The following RAPGEF5 variants were observed in gnomAD, a reference collection of about 807,000 sequenced individuals.
RAPGEF5 encodes the protein M-Ras-regulated GEF.
Under a neutral mutation model 125.2 loss-of-function variants are expected in RAPGEF5, and 65 were observed. The ratio of observed to expected loss-of-function variants is 0.52; its 90% confidence interval spans 0.43 to 0.64. RAPGEF5 has a LOEUF of 0.64. Among genes scored for constraint, RAPGEF5 ranks in the 30% least tolerant of loss-of-function variants. RAPGEF5 has a pLI of 0.00. For synonymous variants in RAPGEF5, 391 were observed against 385.9 expected (o/e 1.01, Z -0.16); for missense variants, 958 against 1,048.1 (o/e 0.91, Z 1.19).
chr7:22,193,853 G>T, intron 10 of RAPGEF5, 62 bp downstream of exon 10: 1 of 1,611,858 alleles, frequency 6.2e-7, no homozygotes, highest in South Asian at 1.1e-5. Context: ...CAAGGGAAGG[G>T]AAGGCAGGCA....
Position 22,182,293 on chromosome 7 carries a change from CAG to C in RAPGEF5, c.1204+11072_1204+11073del, listed in dbSNP as rs540407833. ...AAACACAGAAAGAGAAAGAAGGAGA[CAG>C]AGGTTTTTCAACCGTTGACACTGTC... On this transcript the variant is annotated intron_variant, in intron 11 of 25. Coordinates refer to ENST00000665637, the MANE Select transcript of RAPGEF5 (RefSeq NM_012294.5). Among the ~76,000 whole-genome samples, 11 of 152,266 alleles carry C rather than the reference CAG, an allele frequency of 7.2e-5. No homozygotes were observed. The East Asian group carries it at 1.4e-3, about 19-fold the overall frequency.
At chr7:22,338,536 A>C (rs1226655648) in intron 1 of RAPGEF5, among the ~76,000 whole-genome samples, 1 of 152,184 alleles carries the variant, frequency 6.6e-6, no homozygotes, top group Admixed American at 6.5e-5. Flanking sequence ...TAATTCCTTT[A>C]GTCATTTGTG....
intron 1 of RAPGEF5, among the ~76,000 whole-genome samples, chr7:22,354,253 G>A (rs1784381333): frequency 6.6e-6 from 1 of 152,154 alleles, no homozygotes; most frequent in Non-Finnish European, 1.5e-5. Flanking sequence ...GTCAATATAG[G>A]AGATGAAAAC....
chr7:22,298,729 A>C (rs1031051248), intron 5 of RAPGEF5: 47 of 152,220 alleles, frequency 3.1e-4, no homozygotes, highest in African/African-American at 1.0e-3. Flanking sequence ...TCTGCCAGTA[A>C]ACTTATGTAA....
chr7:22,204,872 A>G (rs937704865), intron 9 of RAPGEF5, among the ~76,000 whole-genome samples: 2 of 152,236 alleles, frequency 1.3e-5, no homozygotes, highest in Non-Finnish European at 2.9e-5. Context: ...AAAGTAAACA[A>G]AAAACCAGAA....
intron 24 of RAPGEF5, among the ~76,000 whole-genome samples, chr7:22,130,035 A>C (rs1303798011): frequency 6.6e-6 from 1 of 151,874 alleles, no homozygotes; most frequent in African/African-American, 2.4e-5. Flanking sequence ...GCCTCACTTA[A>C]CCTCCTCTCA....
intron 11 of RAPGEF5, among the ~76,000 whole-genome samples, chr7:22,171,378 T>A (rs1784345808): frequency 6.6e-6 from 1 of 152,234 alleles, no homozygotes; most frequent in African/African-American, 2.4e-5. Context: ...TTTAAACAAA[T>A]TCATAGTTGC....
At chr7:22,294,714 A>C (rs923242359) in intron 5 of RAPGEF5, among the ~76,000 whole-genome samples, 12 of 152,094 alleles carry the variant, frequency 7.9e-5, no homozygotes, top group African/African-American at 2.9e-4. Context: ...TCTTCAAGAC[A>C]TATCTCTCAC....
chr7:22,175,978 C>G (rs183004742), intron 11 of RAPGEF5, among the ~76,000 whole-genome samples: 1 of 151,760 alleles, frequency 6.6e-6, no homozygotes, highest in Admixed American at 6.6e-5. Context: ...TGTATTAGTA[C>G]GTTCTCATGC....
chr7:22,284,816 G>A (rs891139375), intron 6 of RAPGEF5, among the ~76,000 whole-genome samples: 6 of 151,988 alleles, frequency 3.9e-5, no homozygotes, highest in African/African-American at 1.5e-4. Context: ...CAGGAAAAAG[G>A]GTGAATAGAA....
intron 9 of RAPGEF5, chr7:22,194,562 C>T: frequency 1.0e-6 from 1 of 977,920 alleles, no homozygotes; most frequent in Non-Finnish European, 1.2e-6. Context: ...AAAAAAAAAA[C>T]TACCCACTCC....
intron 3 of RAPGEF5, among the ~76,000 whole-genome samples, chr7:22,314,942 C>T (rs1327960575): frequency 6.6e-6 from 1 of 152,158 alleles, no homozygotes; most frequent in African/African-American, 2.4e-5. Context: ...GCTCCTTATG[C>T]ACTCAAGGAG....
At chr7:22,145,967 C>CGTGTGT (rs71864981) in intron 19 of RAPGEF5, among the ~76,000 whole-genome samples, 179 of 143,972 alleles carry the variant, frequency 1.2e-3, no homozygotes, top group African/African-American at 2.0e-3. Context: ...TGTTTGTGTG[C>CGTGTGT]GTGTGTGTGT....
intron 9 of RAPGEF5, among the ~76,000 whole-genome samples, chr7:22,196,595 G>A (rs1476036830): frequency 6.6e-6 from 1 of 152,138 alleles, no homozygotes; most frequent in East Asian, 1.9e-4. Flanking sequence ...GACAACATAA[G>A]TATAACTGGG....
intron 6 of RAPGEF5, among the ~76,000 whole-genome samples, chr7:22,279,758 T>C (rs994896806): frequency 6.6e-6 from 1 of 152,232 alleles, no homozygotes. Context: ...AGGATAAATA[T>C]TATACATACG....
At chr7:22,267,035 A>C in intron 6 of RAPGEF5, 23 bp from the exon 7 acceptor site, 2 of 1,588,038 alleles carry the variant, frequency 1.3e-6, no homozygotes, top group Non-Finnish European at 8.6e-7. Flanking sequence ...TAGGGGGGAA[A>C]ATCAAATTAG....
At chr7:22,205,784 C>T (rs1173921261) in intron 9 of RAPGEF5, among the ~76,000 whole-genome samples, 3 of 152,214 alleles carry the variant, frequency 2.0e-5, no homozygotes, top group African/African-American at 7.2e-5. Context: ...CTCAGAGAAA[C>T]AATTCCAAAT....
intron 16 of RAPGEF5, among the ~76,000 whole-genome samples, chr7:22,155,106 T>A (rs989592143): frequency 6.6e-6 from 1 of 152,232 alleles, no homozygotes; most frequent in African/African-American, 2.4e-5. Flanking sequence ...AGAATTCTCA[T>A]AAGCTTATCT....
chr7:22,300,966 C>G (rs1357327861), intron 5 of RAPGEF5, among the ~76,000 whole-genome samples: 1 of 152,238 alleles, frequency 6.6e-6, no homozygotes, highest in Non-Finnish European at 1.5e-5. Context: ...CCACTGATCT[C>G]CCTGTCTACA....
Sources: gnomAD v4.1 joint callset for allele counts (sites outside exome capture counted in the v4.1 genomes callset) on GRCh38, gnomAD v4.1.1 for gene constraint, MANE v1.5 for transcripts, NCBI Gene and HGNC (gene_info 2026-07-23, HGNC 2026-07-21) for gene names.